ARHGAP26: variants seen among roughly 807,000 people sequenced by gnomAD.
ARHGAP26 encodes the protein Rho GTPase activating protein 26.
In ARHGAP26, 38 loss-of-function variants were observed where a neutral mutation model predicts 104.8. The observed-to-expected ratio is 0.36, with a 90% CI of 0.28 to 0.48. The LOEUF (loss-of-function observed/expected upper bound fraction) is 0.48. Ranked by LOEUF, ARHGAP26 falls within the 20% of genes least tolerant of loss-of-function variation. ARHGAP26 has a pLI of 0.99. For missense variants in ARHGAP26, 704 were observed against 947.9 expected (o/e 0.74, Z 3.38); for synonymous variants, 341 against 340.0 (o/e 1.00, Z -0.03).
chr5:143,060,453 T>TG (rs1786536226), intron 17 of ARHGAP26, among the ~76,000 whole-genome samples: 1 of 152,120 alleles, frequency 6.6e-6, no homozygotes, highest in African/African-American at 2.4e-5. Flanking sequence ...AAAAAAGTAT[T>TG]GGGTGGGGGG....
At chr5:142,857,745 C>A (rs1266415838) in intron 1 of ARHGAP26, among the ~76,000 whole-genome samples, 1 of 152,102 alleles carries the variant, frequency 6.6e-6, no homozygotes, top group Non-Finnish European at 1.5e-5. Context: ...TCCGGGTCTT[C>A]GGGACATCAC....
chr5:142,819,332 G>A (rs189480457), intron 1 of ARHGAP26, among the ~76,000 whole-genome samples: 1 of 152,272 alleles, frequency 6.6e-6, no homozygotes, highest in African/African-American at 2.4e-5. Flanking sequence ...CTGGGCTGTG[G>A]GTGGGTGGGC....
At chr5:143,065,657 T>G (rs527391017) in intron 17 of ARHGAP26, among the ~76,000 whole-genome samples, 1 of 151,510 alleles carries the variant, frequency 6.6e-6, no homozygotes, top group East Asian at 1.9e-4. Flanking sequence ...CTCCTGTTTG[T>G]ATTGCAGCCA....
intron 17 of ARHGAP26, among the ~76,000 whole-genome samples, chr5:143,081,964 C>T (rs181894361): frequency 1.4e-5 from 2 of 144,652 alleles, no homozygotes; most frequent in African/African-American, 2.6e-5. Context: ...GAGCCGAGAT[C>T]GCGCCACTGC....
At chr5:142,813,038 C>T (rs1026559481) in intron 1 of ARHGAP26, among the ~76,000 whole-genome samples, 2 of 150,338 alleles carry the variant, frequency 1.3e-5, no homozygotes, top group Non-Finnish European at 3.0e-5. Flanking sequence ...CCTGGGTTCA[C>T]GCCATTCTCC....
chr5:142,781,242 T>C (rs78902576), intron 1 of ARHGAP26, among the ~76,000 whole-genome samples: 4,321 of 152,260 alleles, frequency 0.028, 106 homozygotes, highest in East Asian at 0.09. Flanking sequence ...ACCTCTGTTA[T>C]TTTTGCCCCA....
chr5:143,006,317 T>TG (rs59498324), intron 11 of ARHGAP26, among the ~76,000 whole-genome samples: 25,292 of 89,336 alleles, frequency 0.28, 2,844 homozygotes, highest in East Asian at 0.55. Flanking sequence ...GTGTTTTTTC[T>TG]TTTTTTTTTT....
intron 11 of ARHGAP26, among the ~76,000 whole-genome samples, chr5:142,979,851 C>T (rs1229526706): frequency 6.6e-6 from 1 of 152,232 alleles, no homozygotes; most frequent in Non-Finnish European, 1.5e-5. Flanking sequence ...GGTGGGCAGA[C>T]AGCACTTCCT....
At chr5:142,828,162 C>T (rs1296659747) in intron 1 of ARHGAP26, among the ~76,000 whole-genome samples, 2 of 152,146 alleles carry the variant, frequency 1.3e-5, no homozygotes, top group South Asian at 2.1e-4. Context: ...CCCTGGGAGC[C>T]GCTGGCAGAT....
chr5:143,066,645 C>T (rs1787536175), intron 17 of ARHGAP26, among the ~76,000 whole-genome samples: 1 of 152,200 alleles, frequency 6.6e-6, no homozygotes, highest in Non-Finnish European at 1.5e-5. Context: ...ATGGGGCTTT[C>T]TTCATAGTTT....
At chr5:143,153,286 G>A (rs1800060571) in intron 20 of ARHGAP26, among the ~76,000 whole-genome samples, 4 of 152,184 alleles carry the variant, frequency 2.6e-5, no homozygotes, top group African/African-American at 7.2e-5. Flanking sequence ...TTCTGGCATC[G>A]ACATTGCCTG....
intron 5 of ARHGAP26, among the ~76,000 whole-genome samples, chr5:142,890,151 A>AAAAAAAAAAAAAT (rs1252590997): frequency 2.5e-4 from 8 of 32,430 alleles, no homozygotes; most frequent in Non-Finnish European, 3.3e-4. Flanking sequence ...AAAAAAAAAA[A>AAAAAAAAAAAAAT]ATATATATAT....
chr5:142,961,052 C>G (rs1770146028), intron 11 of ARHGAP26, among the ~76,000 whole-genome samples: 1 of 152,202 alleles, frequency 6.6e-6, no homozygotes, highest in African/African-American at 2.4e-5. Flanking sequence ...TTCTGTACAG[C>G]CTACTATGTT....
chr5:143,058,244 A>C, intron 17 of ARHGAP26: 1 of 330,648 alleles, frequency 3.0e-6, no homozygotes, highest in East Asian at 5.5e-5. Context: ...CCATCTGTCT[A>C]ATATGGATAA....
intron 11 of ARHGAP26, among the ~76,000 whole-genome samples, chr5:142,983,845 C>G (rs958775196): frequency 6.6e-6 from 1 of 151,968 alleles, no homozygotes; most frequent in East Asian, 1.9e-4. Context: ...AACATGCATC[C>G]CTTTCCAGGT....
rs1755357616 is a variant in ARHGAP26, at chr5:142,871,886, C to T, written c.155-1514C>T. ...GACTGTTGGCTCCTGTGTTCCCCTT[C>T]TCCACCCCAAGTGCCTTCTTTTGGT... On this transcript the variant is annotated intron_variant, in intron 1 of 22. Transcript: ENST00000645722. The surrounding 1 kb of genome is among the most constrained non-coding windows in gnomAD (Gnocchi z 4.1). Among the ~76,000 whole-genome samples, 1 of 152,218 alleles carries T rather than the reference C, an allele frequency of 6.6e-6. No homozygotes were observed. Among genetic ancestry groups the T allele is most frequent in the Non-Finnish European group, 1.5e-5 (1 of 68,032 alleles).
chr5:143,193,334 G>C (rs1426421483), intron 20 of ARHGAP26, among the ~76,000 whole-genome samples: 1 of 129,772 alleles, frequency 7.7e-6, no homozygotes, highest in South Asian at 2.6e-4. Context: ...TGCAACCTCC[G>C]CCTCCCAGGT....
intron 1 of ARHGAP26, among the ~76,000 whole-genome samples, chr5:142,823,880 C>T (rs1034503754): frequency 3.3e-5 from 5 of 152,204 alleles, no homozygotes; most frequent in Admixed American, 1.3e-4. Flanking sequence ...CTCATAAGGC[C>T]TGTCGTGACA....
intron 1 of ARHGAP26, among the ~76,000 whole-genome samples, chr5:142,808,939 G>A (rs147929930): frequency 6.6e-6 from 1 of 152,188 alleles, no homozygotes; most frequent in South Asian, 2.1e-4. Context: ...TTAAGCTTGT[G>A]TCCTTGTCCT....
Sources: gnomAD v4.1 joint callset for allele counts (sites outside exome capture counted in the v4.1 genomes callset) on GRCh38, gnomAD v4.1.1 for gene constraint, Gnocchi (gnomAD v3.1) non-coding constraint, MANE v1.5 for transcripts, NCBI Gene and HGNC (gene_info 2026-07-23, HGNC 2026-07-21) for gene names.